BRWD3: variants seen among roughly 807,000 people sequenced by gnomAD.
The protein encoded by BRWD3 is bromodomain and WD repeat domain containing 3, also known as bromodomain and WD repeat-containing protein 3.
BRWD3 carries 10 observed loss-of-function variants against 149.7 expected under a neutral mutation model. The ratio of observed to expected loss-of-function variants is 0.07; its 90% CI spans 0.04 to 0.11. The LOEUF (loss-of-function observed/expected upper bound fraction) is 0.11, where lower values mean the gene tolerates loss of function less well. Among genes scored for constraint, BRWD3 ranks in the 10% least tolerant of loss-of-function variants. The pLI is 1.00. For synonymous variants in BRWD3, 504 were observed against 456.7 expected (o/e 1.10, Z -1.32); for missense variants, 940 against 1,373.2 (o/e 0.68, Z 4.99).
At position 80,681,561 on chromosome X, in the gene BRWD3, G is replaced by A. The variant is rs1378105274; in HGVS notation, c.4496-62C>T. 5.3e-6 allele frequency: 5 copies of A among 934,756 alleles called. No homozygotes were observed. In the African/African-American group the frequency reaches 9.8e-5, roughly 18 times the overall value. 77.0% of individuals were successfully genotyped at this position (934,756 alleles called of 1,213,427 possible). On this transcript the variant is annotated intron_variant, in intron 39 of 40. Transcript: ENST00000373275. ...TCATGTTTTCAGGAAAGTTAAACAG[G>A]CTACTTTTTGAAACCATATCTCTGT...
chrX:80,782,500 CA>C (rs905916195), intron 6 of BRWD3, among the ~76,000 whole-genome samples: 10 of 110,863 alleles, frequency 9.0e-5, no homozygotes, highest in Non-Finnish European at 1.5e-4. Context: ...GCAACCACAG[CA>C]AAAAAAGTTT....
At chrX:80,731,894 C>CAAAA (rs760738184) in intron 12 of BRWD3, among the ~76,000 whole-genome samples, 2 of 22,915 alleles carry the variant, frequency 8.7e-5, no homozygotes, top group Non-Finnish European at 1.6e-4. Flanking sequence ...GACTCTGTCT[C>CAAAA]AAAAAAAAAA....
intron 10 of BRWD3, 70 bp from the exon 11 acceptor site, chrX:80,734,288 G>A: frequency 1.5e-6 from 1 of 683,519 alleles, no homozygotes; most frequent in Non-Finnish European, 2.4e-6. Flanking sequence ...TACTTCCTTA[G>A]TTGTATGCTA....
At chrX:80,791,321 TA>T (rs746829336) in intron 6 of BRWD3, among the ~76,000 whole-genome samples, 1 of 111,560 alleles carries the variant, frequency 9.0e-6, no homozygotes, top group Admixed American at 9.6e-5. Context: ...AACTTTAATA[TA>T]AATAGTTTTG....
chrX:80,754,147 G>A (rs1412328282), intron 6 of BRWD3, among the ~76,000 whole-genome samples: 1 of 112,137 alleles, frequency 8.9e-6, no homozygotes, highest in Admixed American at 9.5e-5. Flanking sequence ...TACAGTCCAT[G>A]AGCACAGGCT....
chrX:80,785,629 G>A (rs2074100640), intron 6 of BRWD3, among the ~76,000 whole-genome samples: 1 of 112,408 alleles, frequency 8.9e-6, no homozygotes, highest in Admixed American at 9.5e-5. Context: ...AAAGTCTGTT[G>A]TAAAACTTTC....
In BRWD3 at chrX:80,719,645, C is replaced by T. The variant is rs1410633796; in HGVS notation, c.1888G>A (p.Val630Ile). ...TGCTGCCCAATTACCTGTTCTACTA[C>T]CTCACCATCACCTTAATAAGACCAG... The part of the protein sequence containing the change: ...LGYVANGDGE[V>I]VEQVIGQQTN... Residue 630 changes from valine to isoleucine, a missense_variant, in exon 18 of 41, where the codon GTA becomes ATA. Transcript: ENST00000373275. The T allele has an allele frequency of 8.3e-7, 1 of 1,210,456 alleles. No individual in the cohort carries two copies. The highest frequency in any genetic ancestry group is 2.2e-5 in the Admixed American group (1 of 45,963).
intron 17 of BRWD3, among the ~76,000 whole-genome samples, chrX:80,721,359 T>C (rs1161328371): frequency 9.0e-6 from 1 of 111,597 alleles, no homozygotes; most frequent in Non-Finnish European, 1.9e-5. Flanking sequence ...ACACCTTTTC[T>C]CCTTGGCTAA....
intron 27 of BRWD3, among the ~76,000 whole-genome samples, chrX:80,693,538 G>A (rs946552364): frequency 7.1e-5 from 8 of 112,102 alleles, no homozygotes; most frequent in African/African-American, 2.6e-4. Context: ...ATAGCCATAT[G>A]AACAATGAAG....
rs2072490404 is a variant in BRWD3 at position 80,684,126 on chromosome X, T to C, written c.4117A>G (p.Ser1373Gly). 1.7e-6 allele frequency: 2 copies of C among 1,203,333 alleles called. No homozygotes were observed. The highest frequency in any genetic ancestry group is 5.9e-5 in the East Asian group (2 of 33,685). ...GCTTCCAAAGTTTCTTTCACAGTGC[T>C]GAAGTCCACAGGAGTATCTATAACA... ...QDVIDTPVDF[S>G]TVKETLEAGN... Residue 1373 changes from serine to glycine, a missense_variant, in exon 37 of 41, where the codon AGC becomes GGC. By Grantham distance (56) the Ser-to-Gly change is moderately conservative. This residue lies in a region of BRWD3 where 349 missense variants were observed against 419.6 expected (regional missense o/e 0.83). Transcript: ENST00000373275.
chrX:80,712,688 C>A (rs2072997554), intron 20 of BRWD3, among the ~76,000 whole-genome samples: 1 of 110,069 alleles, frequency 9.1e-6, no homozygotes, highest in South Asian at 3.9e-4. Context: ...AGCCGCCATC[C>A]CATCTAGGAA....
intron 6 of BRWD3, among the ~76,000 whole-genome samples, chrX:80,772,145 G>T (rs1185338648): frequency 1.8e-5 from 2 of 111,865 alleles, no homozygotes; most frequent in Non-Finnish European, 3.8e-5. Context: ...TATAAATCAT[G>T]CTACTATAAA....
chrX:80,685,903 A>T (rs1306290046), intron 35 of BRWD3, among the ~76,000 whole-genome samples: 1 of 111,715 alleles, frequency 9.0e-6, no homozygotes, highest in Non-Finnish European at 1.9e-5. Context: ...TGAGAAAGTT[A>T]AAATAGATTT....
intron 40 of BRWD3, among the ~76,000 whole-genome samples, chrX:80,679,861 T>C (rs1365360129): frequency 9.1e-6 from 1 of 110,228 alleles, no homozygotes; most frequent in African/African-American, 3.3e-5. Flanking sequence ...AAAAACAAAA[T>C]AGATGAAGGA....
intron 6 of BRWD3, 41 bp from the exon 7 acceptor site, chrX:80,745,770 A>G: frequency 9.0e-7 from 1 of 1,106,480 alleles, no homozygotes; most frequent in Non-Finnish European, 1.2e-6. Context: ...TAAAAGTGAA[A>G]CTGATTTCAT....
intron 29 of BRWD3, 39 bp from the exon 30 acceptor site, chrX:80,692,017 A>C (rs1372299977): frequency 8.5e-7 from 1 of 1,175,971 alleles, no homozygotes; most frequent in Non-Finnish European, 1.1e-6. Context: ...AGAAAAAATT[A>C]TTTTCCAATA....
At chrX:80,692,582 T>C (rs750286034) in intron 28 of BRWD3, among the ~76,000 whole-genome samples, 5 of 112,407 alleles carry the variant, frequency 4.4e-5, no homozygotes, top group African/African-American at 9.7e-5. Flanking sequence ...TATTCATAGC[T>C]ATATTCCAGC....
intron 6 of BRWD3, among the ~76,000 whole-genome samples, chrX:80,762,720 G>A (rs2073816102): frequency 9.0e-6 from 1 of 111,597 alleles, no homozygotes; most frequent in Admixed American, 9.6e-5. Context: ...TACTAAAAAG[G>A]CAATACAGTA....
At chrX:80,685,436 G>A (rs1292603621) in intron 36 of BRWD3, 26 bp downstream of exon 36, 2 of 1,152,154 alleles carry the variant, frequency 1.7e-6, no homozygotes, top group African/African-American at 3.6e-5. Context: ...CAATCAATAT[G>A]TCTTTTAAGA....
Sources: allele counts gnomAD v4.1 joint callset (sites outside exome capture counted in the v4.1 genomes callset), GRCh38; gene constraint gnomAD v4.1.1; regional missense constraint gnomAD v4.1.1; transcripts MANE v1.5; gene names NCBI Gene and HGNC (gene_info 2026-07-23, HGNC 2026-07-21).